Variants in DNM3 observed in about 807,000 individuals in gnomAD.
The protein encoded by DNM3 is dynamin 3.
Under a neutral mutation model 101.6 loss-of-function variants are expected in DNM3, and 47 were observed. The ratio of observed to expected loss-of-function variants is 0.46; its 90% CI spans 0.37 to 0.59. The LOEUF (loss-of-function observed/expected upper bound fraction) is 0.59, where lower values mean the gene tolerates loss of function less well. Among genes scored for constraint, DNM3 ranks in the 20% least tolerant of loss-of-function variants. The pLI, the probability that DNM3 is intolerant of heterozygous loss-of-function variation, is 0.00. For missense variants in DNM3, 849 were observed against 1,085.7 expected (o/e 0.78, Z 3.06); for synonymous variants, 385 against 387.9 (o/e 0.99, Z 0.09).
chr1:172,330,320 TATA>T (rs2066127630), intron 17 of DNM3, among the ~76,000 whole-genome samples: 1 of 152,062 alleles, frequency 6.6e-6, no homozygotes, highest in Admixed American at 6.6e-5. Context: ...TCTTTAAAAA[TATA>T]AAGATATATA....
chr1:172,236,958 C>T (rs1485310544), intron 14 of DNM3, among the ~76,000 whole-genome samples: 1 of 152,146 alleles, frequency 6.6e-6, no homozygotes. Flanking sequence ...CACTCATTCT[C>T]TCCTGTTTTA....
At chr1:172,116,740 G>T (rs2055924179) in intron 13 of DNM3, among the ~76,000 whole-genome samples, 1 of 152,196 alleles carries the variant, frequency 6.6e-6, no homozygotes, top group South Asian at 2.1e-4. Context: ...ATACTTCTCA[G>T]CATTTTTAAT....
chr1:172,392,765 T>C (rs1293602750), intron 20 of DNM3, among the ~76,000 whole-genome samples: 1 of 147,762 alleles, frequency 6.8e-6, no homozygotes, highest in African/African-American at 2.5e-5. Context: ...AAGAAGAAAC[T>C]TTTTTTTTTA....
chr1:172,030,085 G>A (rs954746277), intron 4 of DNM3, among the ~76,000 whole-genome samples: 10 of 152,088 alleles, frequency 6.6e-5, no homozygotes, highest in Non-Finnish European at 1.3e-4. Flanking sequence ...ACCAAAAAGA[G>A]CCCATGTAGC....
At chr1:171,912,871 C>CT (rs1160368530) in intron 1 of DNM3, among the ~76,000 whole-genome samples, 2 of 152,140 alleles carry the variant, frequency 1.3e-5, no homozygotes, top group Non-Finnish European at 2.9e-5. Flanking sequence ...TTTACTAGTG[C>CT]TTTTTGCCAT....
At chr1:171,898,953 G>T (rs1334125911) in intron 1 of DNM3, among the ~76,000 whole-genome samples, 2 of 152,202 alleles carry the variant, frequency 1.3e-5, no homozygotes, top group African/African-American at 4.8e-5. Context: ...AGAAAGGGGT[G>T]ATGAGTAGTA....
At chr1:172,178,496 G>T (rs2059232282) in intron 14 of DNM3, among the ~76,000 whole-genome samples, 1 of 151,846 alleles carries the variant, frequency 6.6e-6, no homozygotes, top group Non-Finnish European at 1.5e-5. Context: ...GGAGTAGGAG[G>T]TTGATGTGTA....
At chr1:171,948,141 A>G (rs2042281161) in intron 2 of DNM3, among the ~76,000 whole-genome samples, 1 of 152,236 alleles carries the variant, frequency 6.6e-6, no homozygotes, top group Admixed American at 6.5e-5. Context: ...ACTTGTAGCA[A>G]ACAGACAGCA....
At chr1:171,931,878 G>A (rs902965283) in intron 2 of DNM3, among the ~76,000 whole-genome samples, 2 of 152,042 alleles carry the variant, frequency 1.3e-5, no homozygotes, top group African/African-American at 4.8e-5. Flanking sequence ...TGAAACTATT[G>A]CCACTAGAAT....
intron 17 of DNM3, among the ~76,000 whole-genome samples, chr1:172,334,451 A>G (rs1436819134): frequency 6.6e-6 from 1 of 152,182 alleles, no homozygotes; most frequent in Non-Finnish European, 1.5e-5. Flanking sequence ...CATCCTCTAC[A>G]ACAAAGAATT....
chr1:171,926,579 G>A (rs970265337), intron 2 of DNM3, among the ~76,000 whole-genome samples: 1 of 152,124 alleles, frequency 6.6e-6, no homozygotes, highest in Admixed American at 6.6e-5. Flanking sequence ...TGATATTTAT[G>A]TCTATCCTTG....
At chr1:171,964,504 C>T (rs562509600) in intron 2 of DNM3, among the ~76,000 whole-genome samples, 39 of 152,178 alleles carry the variant, frequency 2.6e-4, no homozygotes, top group African/African-American at 7.5e-4. Context: ...TTACATGTAC[C>T]GATGGATGTC....
chr1:172,278,702 GT>G, intron 15 of DNM3, among the ~76,000 whole-genome samples: 1 of 152,222 alleles, frequency 6.6e-6, no homozygotes, highest in East Asian at 1.9e-4. Context: ...CATGTGACTT[GT>G]TGCATAAGTA....
At chr1:171,864,955 T>A (rs931249147) in intron 1 of DNM3, among the ~76,000 whole-genome samples, 3 of 152,164 alleles carry the variant, frequency 2.0e-5, no homozygotes, top group African/African-American at 7.2e-5. Context: ...TAATCACTCA[T>A]TAATTTGCCT....
chr1:172,234,470 A>T (rs1393853999), intron 14 of DNM3, among the ~76,000 whole-genome samples: 1 of 152,168 alleles, frequency 6.6e-6, no homozygotes, highest in Non-Finnish European at 1.5e-5. Flanking sequence ...AAGGTAATTT[A>T]CAGATTCAAT....
At position 172,261,525 on chromosome 1, in the gene DNM3, G is replaced by T. The variant is rs189815725; in HGVS notation, c.1769+7843G>T. 2.2e-4 allele frequency among the ~76,000 whole-genome samples: 33 copies of T among 152,356 alleles called. No individual in the cohort carries two copies. In the East Asian group the frequency reaches 6.2e-3, roughly 28 times the overall value. Reference sequence around the variant, plus strand: ...CCCAGGCCAGTGTGCACTGGTGCTGGTGTTGGTGGGTCCAGGAAGGCCAAT... The same window carrying T: ...CCCAGGCCAGTGTGCACTGGTGCTGTTGTTGGTGGGTCCAGGAAGGCCAAT... On this transcript the variant is annotated intron_variant, in intron 15 of 20. Transcript: ENST00000627582.
intron 1 of DNM3, among the ~76,000 whole-genome samples, chr1:171,894,799 G>A (rs921512439): frequency 4.1e-5 from 4 of 98,580 alleles, no homozygotes; most frequent in African/African-American, 1.2e-4. Context: ...AAGTGTTCTC[G>A]TTGTTCAATT....
chr1:172,148,854 TA>T (rs2058023662), intron 14 of DNM3, among the ~76,000 whole-genome samples: 1 of 152,094 alleles, frequency 6.6e-6, no homozygotes, highest in Non-Finnish European at 1.5e-5. Context: ...AAGGAATAGA[TA>T]TGTTGTAGCA....
chr1:171,964,616 T>C (rs2043442797), intron 2 of DNM3, among the ~76,000 whole-genome samples: 1 of 152,206 alleles, frequency 6.6e-6, no homozygotes, highest in African/African-American at 2.4e-5. Flanking sequence ...TGGTCACCCA[T>C]ATTTGGCTCA....
Sources: gnomAD v4.1 joint callset for allele counts (sites outside exome capture counted in the v4.1 genomes callset) on GRCh38, gnomAD v4.1.1 for gene constraint, MANE v1.5 for transcripts, NCBI Gene and HGNC (gene_info 2026-07-23, HGNC 2026-07-21) for gene names.